AEN: variants seen among roughly 807,000 people sequenced by gnomAD.
AEN encodes apoptosis-enhancing nuclease.
In AEN, 21 loss-of-function variants were observed where a neutral mutation model predicts 17.7. That is an observed-to-expected ratio of 1.19 (90% confidence interval 0.84 to 1.71). The LOEUF (loss-of-function observed/expected upper bound fraction) is 1.71, where lower values mean the gene tolerates loss of function less well. AEN is among the 40% of genes most tolerant of loss of function. The pLI, the probability that AEN is intolerant of heterozygous loss-of-function variation, is 0.00. For synonymous variants in AEN, 190 were observed against 173.0 expected (o/e 1.10, Z -0.77); for missense variants, 462 against 435.9 (o/e 1.06, Z -0.53).
the AEN span, among the ~76,000 whole-genome samples, chr15:88,605,462 T>G: frequency 6.6e-6 from 1 of 152,144 alleles, no homozygotes. The surrounding 1 kb of genome is among the most constrained non-coding windows in gnomAD (Gnocchi z 7.6). Context: ...TGCCACCAGA[T>G]CTGAGCGCCA....
chr15:88,622,433 G>C (rs1048650147), intron 1 of AEN, among the ~76,000 whole-genome samples: 3 of 152,196 alleles, frequency 2.0e-5, no homozygotes, highest in African/African-American at 7.2e-5. Flanking sequence ...AGGTAGTGAA[G>C]GAATTGGCTT....
At chr15:88,628,538 G>A (rs2141374371) in intron 2 of AEN, 1 of 152,628 alleles carries the variant, frequency 6.6e-6, no homozygotes, top group South Asian at 2.1e-4. Flanking sequence ...ATGAGGAGGA[G>A]TTGGTACACA....
Position 88,626,167 on chromosome 15 carries a change from T to G in AEN, c.-43T>G. 6.6e-7 allele frequency: 1 copy of G among 1,523,178 alleles called. No homozygotes were observed. The highest frequency in any genetic ancestry group is 8.8e-7 in the Non-Finnish European group (1 of 1,138,722). 94.4% of individuals were successfully genotyped at this position (1,523,178 alleles called of 1,614,324 possible). A position where few individuals can be genotyped will look rare whatever the true frequency, so the allele number is the denominator to read the frequency against. ...TCAGGCTGCTGCCCCATTGGAAGATTACTCCCCAGGCTTCCCTTGCCCCAA... is the reference window on the plus strand; with the variant it reads ...TCAGGCTGCTGCCCCATTGGAAGATGACTCCCCAGGCTTCCCTTGCCCCAA... On this transcript the variant is annotated 5_prime_UTR_variant, in exon 2 of 4. It adds an upstream start codon to the 5' untranslated region. Transcript: ENST00000332810.
the AEN span, among the ~76,000 whole-genome samples, chr15:88,606,090 A>G: frequency 6.6e-6 from 1 of 152,218 alleles, no homozygotes; most frequent in African/African-American, 2.4e-5. Context: ...TGCGGGGAGC[A>G]GAGGCACGAT....
At chr15:88,626,032 G>A (rs534598900) in intron 1 of AEN, 114 bp from the exon 2 acceptor site, 8 of 650,358 alleles carry the variant, frequency 1.2e-5, no homozygotes, top group African/African-American at 9.2e-5. Context: ...CACGAGCTAC[G>A]GTGCAGGGCT....
At chr15:88,614,863 G>A in the AEN span, among the ~76,000 whole-genome samples, 1 of 149,300 alleles carries the variant, frequency 6.7e-6, no homozygotes, top group Non-Finnish European at 1.5e-5. Flanking sequence ...CGTCTGTGGT[G>A]CTTTTTTGTT....
At chr15:88,608,273 G>A in the AEN span, 1 of 415,450 alleles carries the variant, frequency 2.4e-6, no homozygotes, top group Non-Finnish European at 5.3e-6. Flanking sequence ...TCAGAGTCCT[G>A]GACTCAGGAT....
the AEN span, among the ~76,000 whole-genome samples, chr15:88,610,983 G>A: frequency 6.6e-6 from 1 of 152,172 alleles, no homozygotes; most frequent in Non-Finnish European, 1.5e-5. Flanking sequence ...CTGCAGGGAG[G>A]GGATGACTGG....
chr15:88,606,890 A>G, the AEN span, among the ~76,000 whole-genome samples: 1 of 151,844 alleles, frequency 6.6e-6, no homozygotes, highest in Non-Finnish European at 1.5e-5. Context: ...TTGGGCTTTT[A>G]TATTTTTCAT....
chr15:88,608,790 CTTTAATTCAATGTAAGAGCTGACT>C, the AEN span, among the ~76,000 whole-genome samples: 1 of 152,200 alleles, frequency 6.6e-6, no homozygotes, highest in Admixed American at 6.5e-5. Context: ...GACAATGACT[CTTTAATTCAATGTAAGAGCTGACT>C]CATCGCTTCC....
rs771057076 is a variant in AEN, at chr15:88,630,205, G to T, written c.889G>T (p.Glu297Ter). The stretch of plus-strand genomic sequence containing the variant: ...AGAACCTGACAGCAGCACAGACATG[G>T]AACAGTACATGGAGGACCAGTACTG... ...DREPDSSTDM[E>*]QYMEDQYWPD... The change falls in exon 4 of 4, where the codon GAA (glutamate) becomes TAA (stop). Residue 297 changes from glutamate (E) to a stop codon, truncating the protein, a stop_gained. Coordinates refer to ENST00000332810, the MANE Select transcript of AEN (RefSeq NM_022767.4). LOFTEE classifies it low-confidence loss of function (END_TRUNC). The surrounding 1 kb of genome is among the most constrained non-coding windows in gnomAD (Gnocchi z 5.1). 6.2e-7 allele frequency: 1 copy of T among 1,611,818 alleles called. No individual in the cohort carries two copies. Among genetic ancestry groups the T allele is most frequent in the African/African-American group, 1.3e-5 (1 of 75,032 alleles).
Position 88,630,389 on chromosome 15 carries a change from G to A in AEN, c.*95G>A. The A allele has an allele frequency of 4.1e-6, 5 of 1,232,726 alleles. No individual in the cohort carries two copies. The highest frequency in any genetic ancestry group is 5.7e-6 in the Non-Finnish European group (5 of 875,364). 76.4% of individuals were successfully genotyped at this position (1,232,726 alleles called of 1,614,324 possible). A position where few individuals can be genotyped will look rare whatever the true frequency, so the allele number is the denominator to read the frequency against. ...GGCACTCCTTCCTGGGCAGGGTGGG[G>A]CAGGATGCAGTGAGCCAGCCCCAGG... On this transcript the variant is annotated 3_prime_UTR_variant, in exon 4 of 4. Transcript: ENST00000332810. The surrounding 1 kb of genome is among the most constrained non-coding windows in gnomAD (Gnocchi z 5.1).
At chr15:88,616,090 C>T in the AEN span, among the ~76,000 whole-genome samples, 3 of 119,196 alleles carry the variant, frequency 2.5e-5, no homozygotes, top group Non-Finnish European at 6.1e-5. Context: ...TGGAAGGAGG[C>T]GTTTTTTGTT....
rs2057848447 is a variant in AEN, at chr15:88,626,134, TTC to T, written c.-64-6_-64-5del. 2 of 1,468,930 alleles carry T rather than the reference TTC, an allele frequency of 1.4e-6. No individual in the cohort carries two copies. The highest frequency in any genetic ancestry group is 2.8e-5 in the South Asian group (2 of 71,222). 91.0% of individuals were successfully genotyped at this position (1,468,930 alleles called of 1,614,324 possible). A position where few individuals can be genotyped will look rare whatever the true frequency, so the allele number is the denominator to read the frequency against. On this transcript the variant is annotated splice_polypyrimidine_tract_variant and intron_variant, in intron 1 of 3. Transcript: ENST00000332810. ...CTCACCCAGCCCCTCTGCCTGTGTG[TTC>T]TCTCTTCAGGCTGCTGCCCCATTGG...
the AEN span, among the ~76,000 whole-genome samples, chr15:88,612,687 A>C: frequency 5.3e-5 from 8 of 151,470 alleles, no homozygotes; most frequent in African/African-American, 1.5e-4. Flanking sequence ...TGCAACCTCC[A>C]CCTCCTGGGT....
chr15:88,629,967 A>G, intron 3 of AEN, 91 bp from the exon 4 acceptor site: 1 of 1,241,856 alleles, frequency 8.1e-7, no homozygotes, highest in Non-Finnish European at 1.2e-6. Context: ...TTGGGCCTGC[A>G]CAAAGAGCCC....
At chr15:88,617,809 A>G (rs527498999), upstream of AEN, among the ~76,000 whole-genome samples, 1 of 149,912 alleles carries the variant, frequency 6.7e-6, no homozygotes, top group East Asian at 2.0e-4. Context: ...ATAAGTGACT[A>G]GCTGAAATGC....
chr15:88,620,949 C>G (rs973874579), upstream of AEN, among the ~76,000 whole-genome samples: 1 of 152,078 alleles, frequency 6.6e-6, no homozygotes, highest in Non-Finnish European at 1.5e-5. Flanking sequence ...CCAGAACACC[C>G]GAGGAGGTAA....
chr15:88,623,459 C>A (rs888307594), intron 1 of AEN, among the ~76,000 whole-genome samples: 1 of 152,120 alleles, frequency 6.6e-6, no homozygotes, highest in Admixed American at 6.5e-5. Flanking sequence ...TCATCTTCTC[C>A]AGACCTCTTT....
Sources: allele counts gnomAD v4.1 joint callset (sites outside exome capture counted in the v4.1 genomes callset), GRCh38; gene constraint gnomAD v4.1.1; non-coding constraint Gnocchi (gnomAD v3.1); transcripts MANE v1.5; gene names NCBI Gene and HGNC (gene_info 2026-07-23, HGNC 2026-07-21).